CALN1: variants seen among roughly 807,000 people sequenced by gnomAD.
CALN1 encodes the protein calneuron 1.
A neutral mutation model predicts 30.6 loss-of-function variants in CALN1; 17 were observed. The observed-to-expected ratio is 0.56, with a 90% CI of 0.38 to 0.83. The LOEUF (loss-of-function observed/expected upper bound fraction) is 0.83. Among genes scored for constraint, CALN1 ranks in the 40% least tolerant of loss-of-function variants. The probability of loss-of-function intolerance (pLI) is 0.00; values close to 1 mark genes in which losing one functional copy is unlikely to be tolerated. For synonymous variants in CALN1, 156 were observed against 131.4 expected (o/e 1.19, Z -1.28); for missense variants, 291 against 354.9 (o/e 0.82, Z 1.45).
intron 5 of CALN1, among the ~76,000 whole-genome samples, chr7:72,001,009 T>C (rs916181359): frequency 1.3e-5 from 2 of 152,146 alleles, no homozygotes; most frequent in Non-Finnish European, 1.5e-5. Flanking sequence ...TCCCAATAGG[T>C]AGAAAAACCT....
At chr7:72,001,057 T>C (rs573404410) in intron 5 of CALN1, among the ~76,000 whole-genome samples, 1 of 151,956 alleles carries the variant, frequency 6.6e-6, no homozygotes, top group Non-Finnish European at 1.5e-5. Context: ...ATCTCAGGAG[T>C]TGGGTGAATG....
chr7:72,257,217 G>A (rs1009815201), intron 3 of CALN1, among the ~76,000 whole-genome samples: 2 of 152,048 alleles, frequency 1.3e-5, no homozygotes, highest in African/African-American at 4.8e-5. Context: ...GGGGGAATCC[G>A]CCCCCATTAT....
intron 2 of CALN1, among the ~76,000 whole-genome samples, chr7:72,284,462 T>C (rs975722391): frequency 4.6e-5 from 7 of 152,050 alleles, no homozygotes; most frequent in African/African-American, 1.7e-4. Flanking sequence ...TGTTGCTGGA[T>C]TAGGTTAACT....
rs55780039 is a variant in CALN1 at position 72,191,552 on chromosome 7, C to CAAAA, written c.245-85262_245-85259dup. On this transcript the variant is annotated intron_variant, in intron 3 of 6. Coordinates refer to ENST00000395275, the MANE Select transcript of CALN1 (RefSeq NM_031468.4). ...AGGAGGCAGAGGTGAGACTCCGTCT[C>CAAAA]AAAAAAAAAAAAAAAAAAAAAAAAA... Among the ~76,000 whole-genome samples the CAAAA allele has an allele frequency of 1.5e-3, 109 of 72,478 alleles. 14 individuals are homozygous for CAAAA. The East Asian group carries it at 0.055, about 37-fold the overall frequency. The allele number at this position is 72,478 out of a possible 152,430, so 47.5% of individuals were successfully genotyped here. A position where few individuals can be genotyped will look rare whatever the true frequency, so the allele number is the denominator to read the frequency against.
intron 1 of CALN1, among the ~76,000 whole-genome samples, chr7:72,442,450 G>A (rs773572337): frequency 7.9e-5 from 12 of 152,162 alleles, no homozygotes; most frequent in Non-Finnish European, 1.5e-4. Context: ...ATTTAGGATT[G>A]TACTTTATGT....
chr7:72,307,540 C>T (rs1378849308), intron 2 of CALN1, among the ~76,000 whole-genome samples: 1 of 152,204 alleles, frequency 6.6e-6, no homozygotes, highest in African/African-American at 2.4e-5. Context: ...GAGCAGAAGT[C>T]ACAGCCTGTG....
At chr7:72,351,394 A>G (rs1275606447) in intron 2 of CALN1, among the ~76,000 whole-genome samples, 1 of 152,186 alleles carries the variant, frequency 6.6e-6, no homozygotes, top group Admixed American at 6.5e-5. Context: ...CTTAGGAATG[A>G]TAAGTCCTGG....
At chr7:72,297,438 A>G (rs554848280) in intron 2 of CALN1, among the ~76,000 whole-genome samples, 118 of 152,344 alleles carry the variant, frequency 7.7e-4, no homozygotes, top group African/African-American at 2.5e-3. Flanking sequence ...AGAAAGCATA[A>G]ATAGATAACA....
At chr7:72,420,023 A>C (rs543900355) in intron 1 of CALN1, among the ~76,000 whole-genome samples, 1 of 152,180 alleles carries the variant, frequency 6.6e-6, no homozygotes, top group African/African-American at 2.4e-5. Context: ...TCGGGTGTCA[A>C]AAAGGACAGG....
intron 3 of CALN1, among the ~76,000 whole-genome samples, chr7:72,268,793 CCA>C (rs3032247): frequency 0.017 from 2,475 of 145,802 alleles, 34 homozygotes; most frequent in Middle Eastern, 0.036. Context: ...CAAGACCCTG[CCA>C]CACACACACA....
intron 3 of CALN1, among the ~76,000 whole-genome samples, chr7:72,205,686 C>G (rs1227589467): frequency 6.7e-6 from 1 of 149,080 alleles, no homozygotes; most frequent in East Asian, 2.0e-4. Context: ...AGTTTTGTAA[C>G]ATCAAATTTA....
At chr7:72,294,607 A>C (rs1023014531) in intron 2 of CALN1, among the ~76,000 whole-genome samples, 21 of 151,824 alleles carry the variant, frequency 1.4e-4, no homozygotes, top group African/African-American at 4.4e-4. Context: ...GAAATAGCCT[A>C]GCGTGGTGGT....
chr7:72,115,049 GACATT>G, intron 3 of CALN1, among the ~76,000 whole-genome samples: 1 of 149,464 alleles, frequency 6.7e-6, no homozygotes, highest in Non-Finnish European at 1.5e-5. Context: ...GGACATTATG[GACATT>G]ACATTATATA....
At chr7:72,467,292 T>G in the CALN1 span, among the ~76,000 whole-genome samples, 4 of 152,170 alleles carry the variant, frequency 2.6e-5, no homozygotes, top group Non-Finnish European at 5.9e-5. Flanking sequence ...AGAAGGCGGT[T>G]TGCAATGTCC....
At chr7:71,972,020 G>GAAAGAAAAAAAGAAAGA (rs1562946955) in intron 5 of CALN1, among the ~76,000 whole-genome samples, 5 of 114,152 alleles carry the variant, frequency 4.4e-5, no homozygotes, top group African/African-American at 1.9e-4. Flanking sequence ...AGAAAGAAAA[G>GAAAGAAAAAAAGAAAGA]AAAGAAAGAA....
intron 3 of CALN1, among the ~76,000 whole-genome samples, chr7:72,222,352 T>C (rs1291141907): frequency 6.6e-6 from 1 of 152,130 alleles, no homozygotes; most frequent in African/African-American, 2.4e-5. Flanking sequence ...CTCAGGAAAC[T>C]TGCAATCATG....
chr7:72,433,843 G>C (rs1162181553), intron 1 of CALN1, among the ~76,000 whole-genome samples: 1 of 152,006 alleles, frequency 6.6e-6, no homozygotes, highest in Non-Finnish European at 1.5e-5. Context: ...GGTCGCTTGA[G>C]GCCAGGAGTT....
intron 4 of CALN1, among the ~76,000 whole-genome samples, chr7:72,091,438 C>T (rs540400737): frequency 3.9e-5 from 6 of 152,260 alleles, no homozygotes; most frequent in African/African-American, 7.2e-5. Flanking sequence ...GCACTTTAGG[C>T]GATGGATACC....
chr7:72,323,614 G>A (rs1801052466), intron 2 of CALN1, among the ~76,000 whole-genome samples: 2 of 145,932 alleles, frequency 1.4e-5, no homozygotes, highest in African/African-American at 5.2e-5. Context: ...AGTGAGCTGA[G>A]ATCACGCCAC....
Sources: allele counts gnomAD v4.1 joint callset (sites outside exome capture counted in the v4.1 genomes callset), GRCh38; gene constraint gnomAD v4.1.1; transcripts MANE v1.5; gene names NCBI Gene and HGNC (gene_info 2026-07-23, HGNC 2026-07-21).